The following PRELID2 variants were observed in gnomAD, a reference collection of about 807,000 sequenced individuals.
PRELID2 encodes the protein PRELI domain containing 2.
Under a neutral mutation model 28.4 loss-of-function variants are expected in PRELID2, and 25 were observed. The observed-to-expected ratio is 0.88, with a 90% CI of 0.64 to 1.23. The LOEUF (loss-of-function observed/expected upper bound fraction) is 1.23, where lower values mean the gene tolerates loss of function less well. Among genes scored for constraint, PRELID2 ranks in the 50% most tolerant of loss-of-function variants. The probability of loss-of-function intolerance (pLI) is 0.00; values close to 1 mark genes in which losing one functional copy is unlikely to be tolerated. For missense variants in PRELID2, 201 were observed against 214.4 expected (o/e 0.94, Z 0.39); for synonymous variants, 76 against 71.6 (o/e 1.06, Z -0.31).
At chr5:145,817,210 AAT>A (rs1754396752) in intron 4 of PRELID2, among the ~76,000 whole-genome samples, 2 of 67,952 alleles carry the variant, frequency 2.9e-5, no homozygotes, top group Admixed American at 1.9e-4. Context: ...TAAATAAATA[AAT>A]AAAAAAAAAT....
the PRELID2 span, among the ~76,000 whole-genome samples, chr5:145,285,300 T>C: frequency 6.6e-6 from 1 of 152,164 alleles, no homozygotes; most frequent in Non-Finnish European, 1.5e-5. Context: ...GATTTAGGAA[T>C]AGGACTAGGG....
At chr5:145,690,290 G>A (rs978551872) in intron 1 of PRELID2, among the ~76,000 whole-genome samples, 2 of 152,150 alleles carry the variant, frequency 1.3e-5, no homozygotes, top group Admixed American at 6.5e-5. Context: ...ACCGCATCTG[G>A]CGAGGGGATC....
chr5:145,520,825 G>A (rs564052498), intron 1 of PRELID2, among the ~76,000 whole-genome samples: 152 of 152,130 alleles, frequency 1.0e-3, no homozygotes, highest in African/African-American at 3.3e-3. Context: ...GCACAATGCC[G>A]AGAACATAGT....
At chr5:145,443,444 A>T in the PRELID2 span, among the ~76,000 whole-genome samples, 3 of 152,060 alleles carry the variant, frequency 2.0e-5, no homozygotes, top group Non-Finnish European at 4.4e-5. Flanking sequence ...TGAGGCCAAC[A>T]TGATAGAACG....
intron 4 of PRELID2, among the ~76,000 whole-genome samples, chr5:145,807,284 G>A (rs907026426): frequency 1.3e-5 from 2 of 152,040 alleles, no homozygotes; most frequent in East Asian, 1.9e-4. Flanking sequence ...TTATGTCATC[G>A]AATGCTCTCT....
chr5:145,830,314 T>C (rs1755498046), intron 1 of PRELID2, among the ~76,000 whole-genome samples: 1 of 152,242 alleles, frequency 6.6e-6, no homozygotes, highest in Non-Finnish European at 1.5e-5. Flanking sequence ...TTTACTTCTC[T>C]GGCCTCATTT....
chr5:145,239,723 A>C, the PRELID2 span, among the ~76,000 whole-genome samples: 1 of 151,996 alleles, frequency 6.6e-6, no homozygotes, highest in African/African-American at 2.4e-5. Flanking sequence ...TTTTTAACCC[A>C]TAAGAGTCCT....
At chr5:145,302,954 C>T in the PRELID2 span, among the ~76,000 whole-genome samples, 3 of 152,116 alleles carry the variant, frequency 2.0e-5, no homozygotes, top group Non-Finnish European at 4.4e-5. Context: ...ATTTGGGGAG[C>T]ATAACACATA....
the PRELID2 span, among the ~76,000 whole-genome samples, chr5:145,262,512 G>C: frequency 6.6e-6 from 1 of 152,126 alleles, no homozygotes; most frequent in South Asian, 2.1e-4. Flanking sequence ...CTACAAGCTA[G>C]AAGGGATTGG....
chr5:145,560,185 G>A (rs183902149), intron 1 of PRELID2, among the ~76,000 whole-genome samples: 15 of 152,170 alleles, frequency 9.9e-5, no homozygotes, highest in Middle Eastern at 3.2e-3. Context: ...TCTACTGAAC[G>A]TGTCACTTTT....
chr5:145,653,299 T>C (rs1340482668), intron 1 of PRELID2, among the ~76,000 whole-genome samples: 2 of 152,130 alleles, frequency 1.3e-5, no homozygotes, highest in East Asian at 3.8e-4. Flanking sequence ...ACAATAATAA[T>C]GGGAGACTTT....
chr5:145,644,462 A>G (rs1171632660), intron 1 of PRELID2, among the ~76,000 whole-genome samples: 4 of 151,690 alleles, frequency 2.6e-5, no homozygotes, highest in Non-Finnish European at 1.5e-5. Context: ...TCAAAAAAAA[A>G]CAGCTCCTGG....
chr5:145,295,220 A>C, the PRELID2 span, among the ~76,000 whole-genome samples: 1 of 151,506 alleles, frequency 6.6e-6, no homozygotes, highest in African/African-American at 2.4e-5. Flanking sequence ...ATAGCCCTGC[A>C]AAAAAATTGA....
chr5:145,812,105 A>C (rs1382859226), intron 4 of PRELID2, among the ~76,000 whole-genome samples: 1 of 152,104 alleles, frequency 6.6e-6, no homozygotes, highest in East Asian at 1.9e-4. Context: ...CTGGGGGAGC[A>C]GGTGTTCTAA....
At chr5:145,724,600 A>AATAAATAAATAAATAT (rs1308255896) in intron 1 of PRELID2, among the ~76,000 whole-genome samples, 1 of 24,788 alleles carries the variant, frequency 4.0e-5, no homozygotes, top group African/African-American at 1.0e-4. Flanking sequence ...GAAGTAAATA[A>AATAAATAAATAAATAT]ATATATATAT....
the PRELID2 span, among the ~76,000 whole-genome samples, chr5:145,319,365 A>G: frequency 1.3e-3 from 197 of 152,224 alleles, 3 homozygotes; most frequent in African/African-American, 4.4e-3. Context: ...TAGTTGTATG[A>G]AGTTAAAAAG....
At chr5:145,471,995 T>C (rs143517486) in exon 3 of PRELID2, 4 of 152,278 alleles carry the variant, frequency 2.6e-5, no homozygotes, top group Admixed American at 2.6e-4. Flanking sequence ...AGTCTTTCTT[T>C]GTCATTCTGC....
At chr5:145,635,167 G>C (rs1321394970) in intron 1 of PRELID2, among the ~76,000 whole-genome samples, 1 of 152,166 alleles carries the variant, frequency 6.6e-6, no homozygotes, top group African/African-American at 2.4e-5. Flanking sequence ...CTTCTGTTTA[G>C]CACTTTGGGG....
At chr5:145,825,942 T>G (rs1354970481) in intron 1 of PRELID2, 6 of 793,962 alleles carry the variant, frequency 7.6e-6, no homozygotes, top group Non-Finnish European at 9.1e-6. Context: ...AAAACTCCCA[T>G]GAGAAAAAGT....
Sources: allele counts gnomAD v4.1 joint callset (sites outside exome capture counted in the v4.1 genomes callset), GRCh38; gene constraint gnomAD v4.1.1; transcripts MANE v1.5; gene names NCBI Gene and HGNC (gene_info 2026-07-23, HGNC 2026-07-21).